The following FOXN3 variants were observed in gnomAD, a reference collection of about 807,000 sequenced individuals.
The protein encoded by FOXN3 is forkhead box protein N3.
Under a neutral mutation model 38.4 loss-of-function variants are expected in FOXN3, and 7 were observed. The ratio of observed to expected loss-of-function variants is 0.18; its 90% CI spans 0.10 to 0.34. The LOEUF is 0.34. FOXN3 is among the 10% of genes least tolerant of loss of function. The probability of loss-of-function intolerance (pLI) is 1.00; values close to 1 mark genes in which losing one functional copy is unlikely to be tolerated. For synonymous variants in FOXN3, 230 were observed against 242.2 expected, an observed-to-expected ratio of 0.95 and a Z score of 0.47; for missense variants, 456 against 613.4, an observed-to-expected ratio of 0.74 and a Z score of 2.71.
At chr14:89,498,210 CTTTTTTTT>C (rs547081117) in intron 1 of FOXN3, among the ~76,000 whole-genome samples, 14 of 81,072 alleles carry the variant, frequency 1.7e-4, no homozygotes, top group East Asian at 3.2e-4. Context: ...CTCTCTCTCT[CTTTTTTTT>C]TTTTTTTTTT....
chr14:89,507,905 G>T (rs572929981), intron 1 of FOXN3, among the ~76,000 whole-genome samples: 3 of 152,176 alleles, frequency 2.0e-5, no homozygotes, highest in African/African-American at 7.2e-5. Context: ...AAGTAGAAAT[G>T]ATTGTAACTG....
At chr14:89,220,792 A>AAGAATGTATTT (rs1884438844) in intron 4 of FOXN3, among the ~76,000 whole-genome samples, 2 of 152,170 alleles carry the variant, frequency 1.3e-5, no homozygotes, top group African/African-American at 4.8e-5. Flanking sequence ...GCTTTGAAAG[A>AAGAATGTATTT]CGGCCAGAAG....
intron 2 of FOXN3, among the ~76,000 whole-genome samples, chr14:89,352,975 A>T (rs1174855427): frequency 6.6e-6 from 1 of 152,266 alleles, no homozygotes; most frequent in East Asian, 1.9e-4. Flanking sequence ...GGGCAAGAAC[A>T]GTGAAACGCC....
Position 89,545,199 on chromosome 14 carries a change from T to C in FOXN3, c.-15+73829A>G, listed in dbSNP as rs116849981. Among the ~76,000 whole-genome samples, 71 of 152,362 alleles carry C rather than the reference T, an allele frequency of 4.7e-4. No homozygotes were observed. In the East Asian group the frequency reaches 0.011, roughly 24 times the overall value. On this transcript the variant is annotated intron_variant, in intron 1 of 6. Transcript: ENST00000345097. ...TTCTCTTTGAGAAACACATGCTTGA[T>C]AGCATTTGTAATGAATCGTCACCTT...
chr14:89,436,919 G>C (rs1892286482), intron 1 of FOXN3, among the ~76,000 whole-genome samples: 1 of 152,204 alleles, frequency 6.6e-6, no homozygotes, highest in African/African-American at 2.4e-5. Flanking sequence ...GGCCGAAGCA[G>C]GTGGATCACC....
intron 1 of FOXN3, among the ~76,000 whole-genome samples, chr14:89,494,488 A>G (rs1191148203): frequency 2.0e-5 from 3 of 152,234 alleles, no homozygotes; most frequent in African/African-American, 4.8e-5. Flanking sequence ...CAGCTCTGCA[A>G]TGGATCCTTT....
At chr14:89,409,063 G>C (rs916224429) in intron 2 of FOXN3, among the ~76,000 whole-genome samples, 1 of 152,136 alleles carries the variant, frequency 6.6e-6, no homozygotes, top group African/African-American at 2.4e-5. Context: ...AGCTGGCCTG[G>C]GGGAACCCAA....
At chr14:89,251,978 C>G (rs1885471503) in intron 4 of FOXN3, among the ~76,000 whole-genome samples, 2 of 152,228 alleles carry the variant, frequency 1.3e-5, no homozygotes, top group African/African-American at 4.8e-5. Flanking sequence ...CAACTGCAGA[C>G]AGTAGGCTTT....
intron 1 of FOXN3, among the ~76,000 whole-genome samples, chr14:89,469,632 T>C (rs1034936509): frequency 6.6e-6 from 1 of 152,198 alleles, no homozygotes; most frequent in Non-Finnish European, 1.5e-5. Flanking sequence ...AGGAAATGGG[T>C]CTGCTTTGAT....
At chr14:89,213,168 C>A (rs1006483229) in intron 4 of FOXN3, among the ~76,000 whole-genome samples, 1 of 152,194 alleles carries the variant, frequency 6.6e-6, no homozygotes, top group Non-Finnish European at 1.5e-5. Context: ...GCCCATCTCT[C>A]CCCCAACCTT....
intron 2 of FOXN3, among the ~76,000 whole-genome samples, chr14:89,407,304 A>T (rs904765818): frequency 2.0e-5 from 3 of 152,354 alleles, no homozygotes; most frequent in Middle Eastern, 3.4e-3. Context: ...GGAGTGCTGC[A>T]GACTGACACA....
At chr14:89,550,166 A>G (rs1167975238) in intron 1 of FOXN3, among the ~76,000 whole-genome samples, 2 of 152,166 alleles carry the variant, frequency 1.3e-5, no homozygotes, top group Non-Finnish European at 2.9e-5. Context: ...CCATGCTATG[A>G]GACACAAAGG....
chr14:89,206,480 A>AT (rs1311923985), intron 4 of FOXN3, among the ~76,000 whole-genome samples: 1 of 152,208 alleles, frequency 6.6e-6, no homozygotes, highest in Non-Finnish European at 1.5e-5. Flanking sequence ...ACCCAGGCAG[A>AT]TTGGAAGGGT....
chr14:89,199,580 G>A (rs754673455), intron 4 of FOXN3, among the ~76,000 whole-genome samples: 13 of 152,068 alleles, frequency 8.5e-5, no homozygotes, highest in Non-Finnish European at 1.5e-4. Context: ...TGGGGGACTC[G>A]GGGGGAAAGG....
chr14:89,161,604 T>TGC lies in FOXN3; in HGVS notation c.*808_*809dup, dbSNP rs1887108117. The TGC allele has an allele frequency of 1.4e-5, 2 of 143,792 alleles. No homozygotes were observed. The highest frequency in any genetic ancestry group is 2.5e-5 in the African/African-American group (1 of 39,770). The allele number at this position is 143,792 out of a possible 1,614,324, so 8.9% of individuals were successfully genotyped here. Reference sequence around the variant, plus strand: ...GTGTGTGTGTGTGTGTGTGCGTGCGTGCACAGGGCCAATCTTCAGGCTTAT... The same window carrying TGC: ...GTGTGTGTGTGTGTGTGTGCGTGCGTGCGCACAGGGCCAATCTTCAGGCTTAT... On this transcript the variant is annotated 3_prime_UTR_variant, in exon 6 of 6. Transcript: ENST00000557258.
intron 1 of FOXN3, among the ~76,000 whole-genome samples, chr14:89,601,966 G>C (rs1297730774): frequency 6.6e-6 from 1 of 152,178 alleles, no homozygotes; most frequent in Non-Finnish European, 1.5e-5. Context: ...AAATAACTGA[G>C]ACAGACTAAT....
chr14:89,426,883 G>A (rs190690019), intron 1 of FOXN3, among the ~76,000 whole-genome samples: 68 of 152,232 alleles, frequency 4.5e-4, no homozygotes, highest in African/African-American at 1.6e-3. Context: ...CAGGGGCCTA[G>A]GACATGAAGG....
At chr14:89,481,836 T>C (rs530854901) in intron 1 of FOXN3, among the ~76,000 whole-genome samples, 2 of 152,118 alleles carry the variant, frequency 1.3e-5, no homozygotes, top group South Asian at 2.1e-4. Context: ...GGATGACCAG[T>C]GGAGTCAAGC....
intron 1 of FOXN3, among the ~76,000 whole-genome samples, chr14:89,569,413 G>A (rs143105065): frequency 1.3e-5 from 2 of 152,270 alleles, no homozygotes; most frequent in Non-Finnish European, 2.9e-5. Context: ...CTGCTGAGCT[G>A]CAGCTGTGGC....
Sources: gnomAD v4.1 joint callset for allele counts (sites outside exome capture counted in the v4.1 genomes callset) on GRCh38, gnomAD v4.1.1 for gene constraint, MANE v1.5 for transcripts, NCBI Gene and HGNC (gene_info 2026-07-23, HGNC 2026-07-21) for gene names.